ANKFN1: variants seen among roughly 807,000 people sequenced by gnomAD.
ANKFN1 encodes the protein ankyrin repeat and fibronectin type III domain containing 1.
A neutral mutation model predicts 108.7 loss-of-function variants in ANKFN1; 74 were observed. The ratio of observed to expected loss-of-function variants is 0.68; its 90% CI spans 0.56 to 0.83. The LOEUF is 0.83. Ranked by LOEUF, ANKFN1 falls within the 40% of genes least tolerant of loss-of-function variation. The pLI is 0.00. For missense variants in ANKFN1, 1,505 were observed against 1,382.3 expected (o/e 1.09, Z -1.41); for synonymous variants, 547 against 516.2 (o/e 1.06, Z -0.81).
intron 4 of ANKFN1, among the ~76,000 whole-genome samples, chr17:56,129,895 A>C (rs1334215232): frequency 1.3e-5 from 2 of 152,240 alleles, no homozygotes; most frequent in Non-Finnish European, 2.9e-5. Context: ...ATACAGAGAA[A>C]ACAGAGCCTC....
At chr17:56,458,879 A>AG (rs2049804993) in intron 14 of ANKFN1, among the ~76,000 whole-genome samples, 1 of 152,158 alleles carries the variant, frequency 6.6e-6, no homozygotes, top group African/African-American at 2.4e-5. Flanking sequence ...AATAACAAAA[A>AG]AAAATTTCTA....
chr17:56,168,984 A>G (rs1344187133), intron 1 of ANKFN1, among the ~76,000 whole-genome samples: 4 of 152,182 alleles, frequency 2.6e-5, no homozygotes, highest in Non-Finnish European at 4.4e-5. Context: ...TTTCATTTTA[A>G]TATGGAGGGA....
intron 14 of ANKFN1, among the ~76,000 whole-genome samples, chr17:56,458,477 T>TAA (rs374746116): frequency 6.8e-6 from 1 of 148,060 alleles, no homozygotes; most frequent in Non-Finnish European, 1.5e-5. Flanking sequence ...TGCTTACTTA[T>TAA]AAAAAAAAAA....
chr17:56,311,090 A>G (rs954320157), intron 3 of ANKFN1, among the ~76,000 whole-genome samples: 3 of 151,908 alleles, frequency 2.0e-5, no homozygotes. Context: ...ACATGTTGTC[A>G]CAAATAATAG....
chr17:56,266,301 A>G (rs1407045548), intron 3 of ANKFN1, among the ~76,000 whole-genome samples: 2 of 152,154 alleles, frequency 1.3e-5, no homozygotes, highest in African/African-American at 2.4e-5. Context: ...GTGGCCTCCC[A>G]GACACATTGT....
At chr17:56,055,596 T>TACAC (rs1555588789) in intron 4 of ANKFN1, among the ~76,000 whole-genome samples, 1 of 130,650 alleles carries the variant, frequency 7.7e-6, no homozygotes, top group African/African-American at 3.1e-5. Context: ...TATGTATATA[T>TACAC]ACACATTTTT....
At chr17:56,487,661 A>G (rs75240950) in intron 18 of ANKFN1, among the ~76,000 whole-genome samples, 95 of 152,358 alleles carry the variant, frequency 6.2e-4, no homozygotes, top group African/African-American at 2.2e-3. Context: ...CCATCTGCCC[A>G]TCACAAGCTC....
chr17:56,151,960 A>G (rs141795682), upstream of ANKFN1, among the ~76,000 whole-genome samples: 47 of 149,658 alleles, frequency 3.1e-4, no homozygotes, highest in East Asian at 3.4e-3. Context: ...TGCACTTCCT[A>G]TGTAACAAGC....
intron 1 of ANKFN1, among the ~76,000 whole-genome samples, chr17:56,197,821 T>C (rs1229428890): frequency 6.6e-6 from 1 of 152,210 alleles, no homozygotes; most frequent in Non-Finnish European, 1.5e-5. Context: ...GGGACCAGTT[T>C]CGTGGAAGAC....
intron 8 of ANKFN1, among the ~76,000 whole-genome samples, chr17:56,391,642 G>A (rs908081341): frequency 8.6e-5 from 13 of 151,948 alleles, no homozygotes; most frequent in African/African-American, 2.9e-4. Context: ...TGGCCAGGCT[G>A]GTCTTGAACT....
chr17:56,221,009 C>A (rs1368096288), intron 2 of ANKFN1, among the ~76,000 whole-genome samples: 1 of 152,090 alleles, frequency 6.6e-6, no homozygotes, highest in African/African-American at 2.4e-5. Context: ...CTGCAGGCTG[C>A]ACAGGATCAT....
intron 4 of ANKFN1, among the ~76,000 whole-genome samples, chr17:56,120,754 G>A (rs868144214): frequency 6.6e-6 from 1 of 152,080 alleles, no homozygotes; most frequent in African/African-American, 2.4e-5. Flanking sequence ...CTTGAATTCA[G>A]GAGGTTTGAG....
chr17:56,218,712 C>A (rs756290892), intron 2 of ANKFN1, among the ~76,000 whole-genome samples: 1 of 152,108 alleles, frequency 6.6e-6, no homozygotes, highest in Non-Finnish European at 1.5e-5. Context: ...CCCTCAAATT[C>A]CCTTGGAATA....
intron 8 of ANKFN1, among the ~76,000 whole-genome samples, chr17:56,420,721 T>A (rs2048378819): frequency 6.6e-6 from 1 of 150,996 alleles, no homozygotes; most frequent in Admixed American, 6.6e-5. Context: ...TTTTCTTTTT[T>A]TTTTGAGACG....
chr17:56,294,203 G>A (rs763776512), intron 3 of ANKFN1, among the ~76,000 whole-genome samples: 12 of 152,134 alleles, frequency 7.9e-5, no homozygotes, highest in Non-Finnish European at 1.8e-4. Context: ...CACTAGACTT[G>A]GCTTCTGGTT....
intron 1 of ANKFN1, among the ~76,000 whole-genome samples, chr17:56,193,576 GT>G (rs1222825886): frequency 6.8e-6 from 1 of 147,328 alleles, no homozygotes; most frequent in African/African-American, 2.5e-5. Context: ...TATTTGTAGC[GT>G]TTTAAAAAAA....
intron 8 of ANKFN1, among the ~76,000 whole-genome samples, chr17:56,380,771 A>G (rs1227817701): frequency 6.6e-6 from 1 of 152,234 alleles, no homozygotes; most frequent in Non-Finnish European, 1.5e-5. Context: ...TTAGGTAAAC[A>G]AAGCAGCCGG....
intron 3 of ANKFN1, among the ~76,000 whole-genome samples, chr17:56,267,531 T>C (rs2043684172): frequency 6.6e-6 from 1 of 152,218 alleles, no homozygotes. Context: ...TTTTAGGTTT[T>C]ATATTTAAGT....
chr17:56,206,376 G>A (rs1394313906), intron 1 of ANKFN1: 1 of 152,092 alleles, frequency 6.6e-6, no homozygotes. Context: ...TAGTCCCTTA[G>A]TAGATGGATG....
Sources: allele counts gnomAD v4.1 joint callset (sites outside exome capture counted in the v4.1 genomes callset), GRCh38; gene constraint gnomAD v4.1.1; transcripts MANE v1.5; gene names NCBI Gene and HGNC (gene_info 2026-07-23, HGNC 2026-07-21).